PROSER2: variants seen among roughly 807,000 people sequenced by gnomAD.
PROSER2 encodes proline and serine-rich protein 2.
In PROSER2, 18 loss-of-function variants were observed where a neutral mutation model predicts 14.6. The ratio of observed to expected loss-of-function variants is 1.23; its 90% CI spans 0.85 to 1.83. PROSER2 has a LOEUF of 1.83. Ranked by LOEUF, PROSER2 falls within the 40% of genes most tolerant of loss-of-function variation. PROSER2 has a pLI of 0.00. For synonymous variants in PROSER2, 367 were observed against 286.4 expected, an observed-to-expected ratio of 1.28 and a Z score of -2.84; for missense variants, 823 against 629.8, an observed-to-expected ratio of 1.31 and a Z score of -3.28.
Position 11,870,086 on chromosome 10 carries a change from C to T in PROSER2, c.988C>T (p.Arg330Trp), listed in dbSNP as rs1189447868. 2 of 1,288,822 alleles carry T rather than the reference C, an allele frequency of 1.6e-6. No individual in the cohort carries two copies. The highest frequency in any genetic ancestry group is 1.6e-5 in the African/African-American group (1 of 63,770). 79.8% of individuals were successfully genotyped at this position (1,288,822 alleles called of 1,614,324 possible). ...RGLPGPAESL[R>W]AGGQAPRGPA... ...CCTGCCGGGCCCCGCTGAGAGTCTC[C>T]GGGCAGGGGGTCAGGCTCCGCGGGG... Residue 330 changes from arginine (R) to tryptophan (W), a missense_variant, in exon 4 of 4, where the codon CGG (arginine) becomes TGG (tryptophan). By Grantham distance (101) the Arg-to-Trp change is moderately radical. Transcript: ENST00000277570.
intron 2 of PROSER2, among the ~76,000 whole-genome samples, chr10:11,854,275 T>G (rs766123441): frequency 6.6e-6 from 1 of 152,228 alleles, no homozygotes; most frequent in Non-Finnish European, 1.5e-5. Context: ...TGAGAAAATA[T>G]GGCATTTAAC....
chr10:11,834,290 G>A (rs1349176804), intron 1 of PROSER2, among the ~76,000 whole-genome samples: 1 of 151,696 alleles, frequency 6.6e-6, no homozygotes, highest in East Asian at 2.0e-4. Flanking sequence ...ACCGCGCCTG[G>A]CCATGAGTAG....
rs1833781848 is a variant in PROSER2, at chr10:11,837,788, A to C, written c.-81-14209A>C. 6.6e-6 allele frequency among the ~76,000 whole-genome samples: 1 copy of C among 152,152 alleles called. No individual in the cohort carries two copies. Among genetic ancestry groups the C allele is most frequent in the Admixed American group, 6.5e-5 (1 of 15,288 alleles). On this transcript the variant is annotated intron_variant, in intron 1 of 3. Coordinates refer to ENST00000277570, the MANE Select transcript of PROSER2 (RefSeq NM_153256.4). The surrounding 1 kb of genome is among the most constrained non-coding windows in gnomAD (Gnocchi z 4.6). ...AATAGTAGAATGTGAGAAACTTCAT[A>C]TTATTTGTTCCAGCTTAGATTCTTC...
Position 11,866,790 on chromosome 10 carries a change from G to A in PROSER2, c.391+7G>A. On this transcript the variant is annotated splice_region_variant and intron_variant, in intron 3 of 3. Transcript: ENST00000277570. This position sits in a 1 kb window ranked among gnomAD's most constrained non-coding sequence, Gnocchi z 6.0. ...GAGGGGACCCAGGCAGCAGGTGAGG[G>A]GGAAGACAGGCCATCCCTGGGATGT... 9 of 1,606,872 alleles carry A rather than the reference G, an allele frequency of 5.6e-6. No individual in the cohort carries two copies. Among genetic ancestry groups the A allele is most frequent in the Non-Finnish European group, 6.8e-6 (8 of 1,178,184 alleles).
intron 2 of PROSER2, among the ~76,000 whole-genome samples, chr10:11,863,407 G>A (rs542926146): frequency 7.9e-5 from 12 of 152,178 alleles, no homozygotes; most frequent in African/African-American, 2.4e-4. Context: ...GGGCACAGAC[G>A]TGCACCTGTA....
In PROSER2 at chr10:11,869,586, C is replaced by T. The variant is rs1016899791; in HGVS notation, c.488C>T (p.Pro163Leu). Reference sequence around the variant, plus strand: ...CCCGAGACCCTTCTTGCGCCACCACCCCTGCCTAGCACCCCCGATCCCCCC... The same window carrying T: ...CCCGAGACCCTTCTTGCGCCACCACTCCTGCCTAGCACCCCCGATCCCCCC... ...PAPETLLAPP[P>L]LPSTPDPPRR... The change falls in exon 4 of 4, where the codon CCC becomes CTC. Residue 163 changes from proline to leucine, a missense_variant. Transcript: ENST00000277570. The surrounding 1 kb of genome is among the most constrained non-coding windows in gnomAD (Gnocchi z 4.4). 2.5e-6 allele frequency: 4 copies of T among 1,608,262 alleles called. No homozygotes were observed. Among genetic ancestry groups the T allele is most frequent in the Middle Eastern group, 1.7e-4 (1 of 6,056 alleles).
In PROSER2 at chr10:11,837,154, G is replaced by T. The variant is rs144895619; in HGVS notation, c.-82+13684G>T. On this transcript the variant is annotated intron_variant, in intron 1 of 3. Coordinates refer to ENST00000277570, the MANE Select transcript of PROSER2 (RefSeq NM_153256.4). This position sits in a 1 kb window ranked among gnomAD's most constrained non-coding sequence, Gnocchi z 4.6. ...TGGCTGGTAATTTGTATATGCTGAA[G>T]AGAAGCTACCAAGTGCTTCCTTTAA... is the stretch of plus-strand genomic sequence containing the variant. 6.6e-6 allele frequency among the ~76,000 whole-genome samples: 1 copy of T among 152,252 alleles called. No homozygotes were observed. Among genetic ancestry groups the T allele is most frequent in the African/African-American group, 2.4e-5 (1 of 41,530 alleles).
chr10:11,870,646 C>G lies in PROSER2; in HGVS notation c.*240C>G, dbSNP rs906692969. 8.9e-6 allele frequency: 4 copies of G among 447,506 alleles called. No individual in the cohort carries two copies. Among genetic ancestry groups the G allele is most frequent in the African/African-American group, 8.3e-5 (4 of 48,104 alleles). 27.7% of individuals were successfully genotyped at this position (447,506 alleles called of 1,614,324 possible). A position where few individuals can be genotyped will look rare whatever the true frequency, so the allele number is the denominator to read the frequency against. ...AGGAATCTGGCCGAGGGCTTGTCTC[C>G]CTTTTCCCAAGAACTGAGAGAGAGA... is the stretch of plus-strand genomic sequence containing the variant. On this transcript the variant is annotated 3_prime_UTR_variant, in exon 4 of 4. Coordinates refer to ENST00000277570, the MANE Select transcript of PROSER2 (RefSeq NM_153256.4).
At chr10:11,857,198 C>T (rs1043935860) in intron 2 of PROSER2, 2 of 152,058 alleles carry the variant, frequency 1.3e-5, no homozygotes, top group Non-Finnish European at 2.9e-5. Context: ...ATGCTGCACA[C>T]TTGGGGTGTG....
chr10:11,842,837 G>C (rs1833863522), intron 1 of PROSER2, among the ~76,000 whole-genome samples: 2 of 149,040 alleles, frequency 1.3e-5, no homozygotes, highest in African/African-American at 4.9e-5. Context: ...ATGTATACAT[G>C]TACATATGTG....
rs1165332668 is a variant in PROSER2 at position 11,870,018 on chromosome 10, CA to C, written c.921del (p.Gly309AlafsTer44). 5.6e-6 allele frequency: 7 copies of C among 1,243,318 alleles called. No individual in the cohort carries two copies. The South Asian group carries it at 1.2e-4, about 22-fold the overall frequency. The allele number at this position is 1,243,318 out of a possible 1,614,324, so 77.0% of individuals were successfully genotyped here. A position where few individuals can be genotyped will look rare whatever the true frequency, so the allele number is the denominator to read the frequency against. ...GCGGGGGACGCCGGCGAGGGGGCCC[CA>C]GGGGGCGGCTCCTCCCCGGAGCGGG... ...PAAGDAGEGA[P>X]GGGSSPERVA... is the part of the protein sequence containing the mutation. On this transcript the variant is annotated frameshift_variant, in exon 4 of 4. Coordinates refer to ENST00000277570, the MANE Select transcript of PROSER2 (RefSeq NM_153256.4). LOFTEE classifies it low-confidence loss of function (END_TRUNC).
chr10:11,847,298 G>C (rs558634301), intron 1 of PROSER2, among the ~76,000 whole-genome samples: 1 of 151,982 alleles, frequency 6.6e-6, no homozygotes, highest in Non-Finnish European at 1.5e-5. Flanking sequence ...CTGCTTCCAG[G>C]ATTGCTGTTC....
At position 11,867,959 on chromosome 10, in the gene PROSER2, G is replaced by A. The variant is rs531325008; in HGVS notation, c.391+1176G>A. 6.6e-5 allele frequency among the ~76,000 whole-genome samples: 10 copies of A among 152,322 alleles called. No homozygotes were observed. In the South Asian group the frequency reaches 2.1e-3, roughly 32 times the overall value. On this transcript the variant is annotated intron_variant, in intron 3 of 3. Coordinates refer to ENST00000277570, the MANE Select transcript of PROSER2 (RefSeq NM_153256.4). ...GATAAAATACTGTCATTTGTCTTGA[G>A]CCACTAGAAATAAAGTGTGTACACG...
intron 2 of PROSER2, among the ~76,000 whole-genome samples, chr10:11,858,268 C>A (rs537040505): frequency 2.0e-5 from 3 of 152,150 alleles, no homozygotes; most frequent in African/African-American, 7.2e-5. Context: ...CTTCAGTACA[C>A]GTATTTTAAG....
chr10:11,869,865 A>G lies in PROSER2; in HGVS notation c.767A>G (p.Asn256Ser). 2 of 1,594,790 alleles carry G rather than the reference A, an allele frequency of 1.3e-6. No individual in the cohort carries two copies. The highest frequency in any genetic ancestry group is 1.7e-6 in the Non-Finnish European group (2 of 1,172,754). ...CCCAAGGCACCCCGCTTCCCCAGCA[A>G]CATCATCGTCACCAACGGCGCGGCC... ...AQPKAPRFPS[N>S]IIVTNGAARE... is the part of the protein sequence containing the mutation. The change falls in exon 4 of 4, where the codon AAC becomes AGC. Residue 256 changes from asparagine (N) to serine (S), a missense_variant. Asn to Ser is a conservative substitution (Grantham distance 46). Coordinates refer to ENST00000277570, the MANE Select transcript of PROSER2 (RefSeq NM_153256.4). The surrounding 1 kb of genome is among the most constrained non-coding windows in gnomAD (Gnocchi z 4.4).
Position 11,852,032 on chromosome 10 carries a change from C to A in PROSER2, c.-46C>A. 1 of 1,548,906 alleles carries A rather than the reference C, an allele frequency of 6.5e-7. No individual in the cohort carries two copies. Among genetic ancestry groups the A allele is most frequent in the South Asian group, 1.2e-5 (1 of 82,616 alleles). ...TTGCCGCAGAATGGGCTGCTGGCTCCTGCCCTGCTTCCTGTGATCGAGCCG... is the reference window on the plus strand; with the variant it reads ...TTGCCGCAGAATGGGCTGCTGGCTCATGCCCTGCTTCCTGTGATCGAGCCG... On this transcript the variant is annotated 5_prime_UTR_variant, in exon 2 of 4. It adds an upstream start codon to the 5' untranslated region. Coordinates refer to ENST00000277570, the MANE Select transcript of PROSER2 (RefSeq NM_153256.4).
chr10:11,839,441 G>A (rs953824623), intron 1 of PROSER2, among the ~76,000 whole-genome samples: 1 of 152,156 alleles, frequency 6.6e-6, no homozygotes, highest in African/African-American at 2.4e-5. Context: ...TATATCAAGC[G>A]ATTTCTGTTG....
intron 1 of PROSER2, chr10:11,851,536 G>A (rs1482598094): frequency 6.6e-6 from 1 of 152,228 alleles, no homozygotes; most frequent in Non-Finnish European, 1.5e-5. Flanking sequence ...GGAAGAGCCT[G>A]AGTGTGAAAG....
At chr10:11,843,930 G>C (rs1296228817) in intron 1 of PROSER2, among the ~76,000 whole-genome samples, 3 of 150,420 alleles carry the variant, frequency 2.0e-5, no homozygotes, top group Admixed American at 2.0e-4. Flanking sequence ...TGTTTCCATT[G>C]TTGCTGTTTC....
Sources: allele counts gnomAD v4.1 joint callset (sites outside exome capture counted in the v4.1 genomes callset), GRCh38; gene constraint gnomAD v4.1.1; non-coding constraint Gnocchi (gnomAD v3.1); transcripts MANE v1.5; gene names NCBI Gene and HGNC (gene_info 2026-07-23, HGNC 2026-07-21).